EML4: variants seen among roughly 807,000 people sequenced by gnomAD.
EML4 encodes echinoderm microtubule-associated protein-like 4.
Under a neutral mutation model 129.0 loss-of-function variants are expected in EML4, and 72 were observed. The observed-to-expected ratio is 0.56, with a 90% confidence interval of 0.46 to 0.68. The LOEUF is 0.68. Ranked by LOEUF, EML4 falls within the 30% of genes least tolerant of loss-of-function variation. EML4 has a pLI of 0.00. For synonymous variants in EML4, 532 were observed against 405.0 expected, an observed-to-expected ratio of 1.31 and a Z score of -3.77; for missense variants, 1,363 against 1,190.6, an observed-to-expected ratio of 1.14 and a Z score of -2.13.
At chr2:42,218,041 C>T (rs564715989) in intron 1 of EML4, among the ~76,000 whole-genome samples, 217 of 152,260 alleles carry the variant, frequency 1.4e-3, no homozygotes, top group African/African-American at 5.1e-3. Context: ...CCCTCCGGGC[C>T]ACAGACTGGT....
At chr2:42,249,910 C>G (rs1023311025) in intron 2 of EML4, among the ~76,000 whole-genome samples, 5 of 152,088 alleles carry the variant, frequency 3.3e-5, no homozygotes, top group African/African-American at 1.2e-4. Context: ...CCAGTTGCAG[C>G]TGAATCCCTG....
chr2:42,245,713 A>G (rs996839970), intron 2 of EML4, 26 bp downstream of exon 2: 17 of 1,530,436 alleles, frequency 1.1e-5, no homozygotes, highest in Non-Finnish European at 1.3e-5. Flanking sequence ...AGTTAAAAAG[A>G]GTCTTGCTTT....
chr2:42,203,211 A>G (rs1232389968), intron 1 of EML4, among the ~76,000 whole-genome samples: 1 of 152,230 alleles, frequency 6.6e-6, no homozygotes, highest in African/African-American at 2.4e-5. Flanking sequence ...ATAAGTACAT[A>G]TAATTATTAT....
chr2:42,275,711 G>GTCTTC (rs1186494225), intron 6 of EML4, among the ~76,000 whole-genome samples: 3 of 152,196 alleles, frequency 2.0e-5, no homozygotes, highest in Admixed American at 1.3e-4. Context: ...CACAAAGCTT[G>GTCTTC]TCTTCTCTTC....
intron 22 of EML4, 130 bp downstream of exon 22, chr2:42,329,146 C>T: frequency 1.2e-6 from 1 of 835,442 alleles, no homozygotes; most frequent in South Asian, 2.2e-5. Context: ...GAGATAAGGG[C>T]CATCGGTGAG....
chr2:42,224,556 A>T (rs1049427043), intron 1 of EML4, among the ~76,000 whole-genome samples: 85 of 152,152 alleles, frequency 5.6e-4, no homozygotes, highest in African/African-American at 2.0e-3. Context: ...TATTTCTCTT[A>T]GGTGTATACT....
Position 42,282,571 on chromosome 2 carries a change from T to A in EML4, c.792-252T>A, listed in dbSNP as rs571366054. On this transcript the variant is annotated intron_variant, in intron 7 of 22. Coordinates refer to ENST00000318522, the MANE Select transcript of EML4 (RefSeq NM_019063.5). ...ACCATGCCTGGCTAATTTTTTTTAT[T>A]TTCTGTCGAGATGGGGTCTCACTAT... 3.4e-4 allele frequency among the ~76,000 whole-genome samples: 51 copies of A among 152,142 alleles called. 2 individuals are homozygous for A. In the South Asian group the frequency reaches 0.011, roughly 32 times the overall value.
intron 1 of EML4, among the ~76,000 whole-genome samples, chr2:42,174,296 T>C (rs1379841290): frequency 6.6e-6 from 1 of 152,038 alleles, no homozygotes; most frequent in Non-Finnish European, 1.5e-5. Flanking sequence ...TATATTTCTT[T>C]GTGTGTGTGT....
At chr2:42,266,922 A>T (rs1316255496) in intron 6 of EML4, among the ~76,000 whole-genome samples, 1 of 152,142 alleles carries the variant, frequency 6.6e-6, no homozygotes, top group Non-Finnish European at 1.5e-5. Context: ...GGAGAAGGAG[A>T]TGTGTGGAAA....
At chr2:42,247,792 A>G (rs1207443202) in intron 2 of EML4, among the ~76,000 whole-genome samples, 1 of 152,056 alleles carries the variant, frequency 6.6e-6, no homozygotes, top group Non-Finnish European at 1.5e-5. Context: ...AGAGTAGGAT[A>G]AGGAGCTAGA....
intron 6 of EML4, among the ~76,000 whole-genome samples, chr2:42,267,488 C>G (rs948370415): frequency 2.6e-5 from 4 of 152,104 alleles, no homozygotes; most frequent in Non-Finnish European, 5.9e-5. Flanking sequence ...GTGGCTTGTT[C>G]CAAATCATCT....
At chr2:42,203,440 T>C (rs1474673004) in intron 1 of EML4, among the ~76,000 whole-genome samples, 1 of 152,188 alleles carries the variant, frequency 6.6e-6, no homozygotes, top group African/African-American at 2.4e-5. Flanking sequence ...TTGTCATTTT[T>C]AAGCAAAGTA....
rs543936268 is a variant in EML4, at chr2:42,311,009, T to C, written c.1968-4953T>C. 1.0e-3 allele frequency among the ~76,000 whole-genome samples: 156 copies of C among 152,328 alleles called. 1 individual carries two copies. The highest frequency in any genetic ancestry group is 3.6e-3 in the African/African-American group (148 of 41,588). On this transcript the variant is annotated intron_variant, in intron 17 of 22. Transcript: ENST00000318522. ...TTTACCAAAAGTAGAAGAATTAGTG[T>C]CTAATAATGTATTAATAATTAAAGA...
intron 1 of EML4, among the ~76,000 whole-genome samples, chr2:42,190,059 A>C (rs935310576): frequency 3.9e-5 from 6 of 152,098 alleles, no homozygotes; most frequent in African/African-American, 1.4e-4. Flanking sequence ...TTTGATTTTA[A>C]ATTTAGAAAT....
Position 42,280,893 on chromosome 2 carries a change from C to A in EML4, c.711C>A (p.Thr237=), listed in dbSNP as rs1300997971. The A allele has an allele frequency of 6.2e-7, 1 of 1,611,820 alleles. No individual in the cohort carries two copies. The highest frequency in any genetic ancestry group is 1.1e-5 in the South Asian group (1 of 90,786). ...TGTTTATGCGCGGTCGGCCAATTAC[C>A]ATGTTCATTCCTTCCGATGTTGACA... ...IKMFMRGRPI[T]MFIPSDVDNY... The change falls in exon 7 of 23, where the codon ACC becomes ACA. Residue 237 remains threonine, a synonymous_variant. Coordinates refer to ENST00000318522, the MANE Select transcript of EML4 (RefSeq NM_019063.5).
intron 14 of EML4, 138 bp downstream of exon 14, chr2:42,301,530 T>C (rs1266145770): frequency 3.2e-6 from 2 of 630,968 alleles, no homozygotes; most frequent in Non-Finnish European, 4.9e-6. Flanking sequence ...GAAAGGAGTT[T>C]GTTGTTGCCT....
intron 1 of EML4, among the ~76,000 whole-genome samples, chr2:42,227,330 A>T (rs1312312918): frequency 6.6e-6 from 1 of 151,930 alleles, no homozygotes; most frequent in Non-Finnish European, 1.5e-5. Flanking sequence ...TATGTTGCTC[A>T]TGCTGGCCTC....
At chr2:42,180,551 C>T (rs1469688667) in intron 1 of EML4, among the ~76,000 whole-genome samples, 1 of 152,172 alleles carries the variant, frequency 6.6e-6, no homozygotes, top group African/African-American at 2.4e-5. Context: ...CTCTATAGAC[C>T]TGTCTTTGCA....
At chr2:42,241,351 T>G (rs1675018788) in intron 1 of EML4, among the ~76,000 whole-genome samples, 1 of 152,208 alleles carries the variant, frequency 6.6e-6, no homozygotes, top group African/African-American at 2.4e-5. Flanking sequence ...ACATTGCCAT[T>G]GCTTGTTGCC....
Sources: allele counts gnomAD v4.1 joint callset (sites outside exome capture counted in the v4.1 genomes callset), GRCh38; gene constraint gnomAD v4.1.1; transcripts MANE v1.5; gene names NCBI Gene and HGNC (gene_info 2026-07-23, HGNC 2026-07-21).